The following ZNF839 variants were observed in gnomAD, a reference collection of about 807,000 sequenced individuals.
ZNF839 encodes zinc finger protein 839.
In ZNF839, 38 loss-of-function variants were observed where a neutral mutation model predicts 56.4. That is an observed-to-expected ratio of 0.67 (90% CI 0.52 to 0.88). ZNF839 has a LOEUF of 0.88. ZNF839 is among the 40% of genes least tolerant of loss of function. The pLI is 0.00. For missense variants in ZNF839, 1,091 were observed against 1,177.6 expected (o/e 0.93, Z 1.08); for synonymous variants, 486 against 493.5 (o/e 0.98, Z 0.20).
chr14:102,330,069 A>G (rs1010760571), intron 2 of ZNF839, among the ~76,000 whole-genome samples: 1 of 151,968 alleles, frequency 6.6e-6, no homozygotes, highest in African/African-American at 2.4e-5. Context: ...TGCTAGGATT[A>G]CAGGCGTGAG....
chr14:102,319,436 G>A (rs1331853177), upstream of ZNF839: 2 of 213,688 alleles, frequency 9.4e-6, no homozygotes, highest in Non-Finnish European at 1.8e-5. This position sits in a 1 kb window ranked among gnomAD's most constrained non-coding sequence, Gnocchi z 4.5. Context: ...CAGAACACTT[G>A]GATATTGTGG....
intron 1 of ZNF839, among the ~76,000 whole-genome samples, chr14:102,321,745 G>T (rs1335189094): frequency 6.6e-6 from 1 of 152,208 alleles, no homozygotes; most frequent in African/African-American, 2.4e-5. Context: ...AAGGGAGATT[G>T]TTCCTGGCTG....
At chr14:102,331,499 C>T in intron 2 of ZNF839, 123 bp from the exon 3 acceptor site, 2 of 798,622 alleles carry the variant, frequency 2.5e-6, no homozygotes, top group South Asian at 1.8e-5. Context: ...ATCCACCCGC[C>T]TTGGGCTCCC....
In ZNF839 at chr14:102,342,220, G is replaced by C. The variant is rs750362444; in HGVS notation, c.*41G>C. On this transcript the variant is annotated 3_prime_UTR_variant, in exon 8 of 8. Transcript: ENST00000442396. ...AAGCTGTGGAGTCGGTCGTCACCGT[G>C]GAGCCAGAGCCCTCACAGTGAAGTG... 2.8e-6 allele frequency: 2 copies of C among 702,212 alleles called. No individual in the cohort carries two copies. Among genetic ancestry groups the C allele is most frequent in the South Asian group, 2.1e-5 (1 of 47,726 alleles). The allele number at this position is 702,212 out of a possible 1,614,324, so 43.5% of individuals were successfully genotyped here. A position where few individuals can be genotyped will look rare whatever the true frequency, so the allele number is the denominator to read the frequency against.
Position 102,326,220 on chromosome 14 carries a change from A to G in ZNF839, c.524A>G (p.Gln175Arg), listed in dbSNP as rs1164759236. ...FLSDLCQPPA[Q>R]GFVQRPLPAL... Reference sequence around the variant, plus strand: ...AGTGACTTATGCCAACCTCCTGCTCAGGGGTTTGTACAGAGACCACTGCCA... The same window carrying G: ...AGTGACTTATGCCAACCTCCTGCTCGGGGGTTTGTACAGAGACCACTGCCA... Residue 175 changes from glutamine to arginine, a missense_variant, in exon 2 of 8, where the codon CAG becomes CGG. Physicochemically the swap from Gln to Arg is conservative, Grantham distance 43. This residue lies in a region of ZNF839 where 614 missense variants were observed against 629.2 expected (regional missense o/e 0.98). Coordinates refer to ENST00000442396, the MANE Select transcript of ZNF839 (RefSeq NM_018335.6). This position sits in a 1 kb window ranked among gnomAD's most constrained non-coding sequence, Gnocchi z 4.3. 4 of 1,613,726 alleles carry G rather than the reference A, an allele frequency of 2.5e-6. No homozygotes were observed. Among genetic ancestry groups the G allele is most frequent in the Non-Finnish European group, 3.4e-6 (4 of 1,179,684 alleles).
At chr14:102,338,343 G>A (rs1198811712) in intron 5 of ZNF839, among the ~76,000 whole-genome samples, 1 of 152,042 alleles carries the variant, frequency 6.6e-6, no homozygotes, top group East Asian at 1.9e-4. Context: ...TTCAAGACCA[G>A]CCTGGCAAAC....
intron 3 of ZNF839, 62 bp downstream of exon 3, chr14:102,331,908 TA>T: frequency 7.3e-7 from 1 of 1,372,396 alleles, no homozygotes; most frequent in Non-Finnish European, 9.8e-7. Context: ...TGGCAATCAC[TA>T]TCAGTTTCTG....
intron 1 of ZNF839, 82 bp downstream of exon 1, chr14:102,320,135 A>G (rs1597703818): frequency 2.8e-6 from 3 of 1,068,914 alleles, no homozygotes; most frequent in Non-Finnish European, 2.3e-6. Flanking sequence ...TTGTCCGGGG[A>G]GGCCAGTATC....
intron 1 of ZNF839, among the ~76,000 whole-genome samples, chr14:102,325,576 C>T (rs2073367261): frequency 6.6e-6 from 1 of 151,976 alleles, no homozygotes; most frequent in African/African-American, 2.4e-5. Context: ...CAGCTTACTG[C>T]AACCTCCTCC....
chr14:102,319,637 G>T (rs1225725074), upstream of ZNF839: 26 of 1,196,028 alleles, frequency 2.2e-5, no homozygotes, highest in Non-Finnish European at 2.6e-5. This position sits in a 1 kb window ranked among gnomAD's most constrained non-coding sequence, Gnocchi z 4.5. Flanking sequence ...CGACTTTCCC[G>T]GCCAGACACG....
chr14:102,330,942 C>A (rs2139528516), intron 2 of ZNF839, among the ~76,000 whole-genome samples: 1 of 152,272 alleles, frequency 6.6e-6, no homozygotes, highest in South Asian at 2.1e-4. Flanking sequence ...CATGCAGATG[C>A]ATGGAGACAG....
rs2073022307 is a variant in ZNF839 at position 102,319,833 on chromosome 14, C to T, written c.68C>T (p.Pro23Leu). Reference sequence around the variant, plus strand: ...GGCGGCGGCGGCGGCGGCCCGGCTCCTCCGGGCCAGAGCGGCAGCGTCGCA... The same window carrying T: ...GGCGGCGGCGGCGGCGGCCCGGCTCTTCCGGGCCAGAGCGGCAGCGTCGCA... ...EDGGGGGGPA[P>L]PGQSGSVARV... Residue 23 changes from proline (P) to leucine (L), a missense_variant, in exon 1 of 8, where the codon CCT becomes CTT. By Grantham distance (98) the Pro-to-Leu change is moderately conservative. Coordinates refer to ENST00000442396, the MANE Select transcript of ZNF839 (RefSeq NM_018335.6). This position sits in a 1 kb window ranked among gnomAD's most constrained non-coding sequence, Gnocchi z 4.5. 1.6e-6 allele frequency: 2 copies of T among 1,242,894 alleles called. No individual in the cohort carries two copies. Among genetic ancestry groups the T allele is most frequent in the Admixed American group, 4.2e-5 (1 of 23,854 alleles). The allele number at this position is 1,242,894 out of a possible 1,614,324, so 77.0% of individuals were successfully genotyped here.
At chr14:102,338,757 G>C in intron 5 of ZNF839, 59 bp from the exon 6 acceptor site, 2 of 1,601,762 alleles carry the variant, frequency 1.2e-6, no homozygotes, top group Non-Finnish European at 1.7e-6. Context: ...ATGTGAATGT[G>C]CTTCTGGGGG....
At chr14:102,328,146 C>T (rs1303896826) in intron 2 of ZNF839, among the ~76,000 whole-genome samples, 1 of 151,206 alleles carries the variant, frequency 6.6e-6, no homozygotes, top group African/African-American at 2.4e-5. Flanking sequence ...CCTCAGGTGA[C>T]GAGTTCGAGA....
chr14:102,325,950 GCTT>G, intron 1 of ZNF839, 32 bp from the exon 2 acceptor site: 2 of 1,594,140 alleles, frequency 1.3e-6, no homozygotes, highest in Middle Eastern at 1.7e-4. Context: ...TAAGCACAAT[GCTT>G]CTTTTCTCTT....
chr14:102,342,316 G>A lies in ZNF839; in HGVS notation c.*137G>A. 9.0e-7 allele frequency: 1 copy of A among 1,105,922 alleles called. No homozygotes were observed. Among genetic ancestry groups the A allele is most frequent in the South Asian group, 1.6e-5 (1 of 61,698 alleles). 68.5% of individuals were successfully genotyped at this position (1,105,922 alleles called of 1,614,324 possible). A position where few individuals can be genotyped will look rare whatever the true frequency, so the allele number is the denominator to read the frequency against. ...GGCAAGCAATGTATATTTTTCTAATGTGAATATTGCACAGATGAACCTTTT... is the reference window on the plus strand; with the variant it reads ...GGCAAGCAATGTATATTTTTCTAATATGAATATTGCACAGATGAACCTTTT... On this transcript the variant is annotated 3_prime_UTR_variant, in exon 8 of 8. Transcript: ENST00000442396.
intron 2 of ZNF839, among the ~76,000 whole-genome samples, chr14:102,327,791 T>C (rs938134792): frequency 6.6e-6 from 1 of 152,148 alleles, no homozygotes; most frequent in Non-Finnish European, 1.5e-5. Flanking sequence ...GTGTCTTCTG[T>C]GTGCTAGGAT....
upstream of ZNF839, among the ~76,000 whole-genome samples, chr14:102,317,897 C>G (rs138988326): frequency 2.0e-5 from 3 of 152,168 alleles, no homozygotes; most frequent in African/African-American, 7.2e-5. Context: ...CTAGGGTGGT[C>G]AGGTGTGCTC....
Position 102,341,575 on chromosome 14 carries a change from A to G in ZNF839, c.2180A>G (p.Asn727Ser). Residue 727 changes from asparagine to serine, a missense_variant, in exon 8 of 8, where the codon AAT becomes AGT. Around this residue, in one of 3 missense-constraint regions of ZNF839, gnomAD observed 431 missense variants for 468.0 expected, o/e 0.92. Transcript: ENST00000442396. ...CAGGTGGCAGCGTTTCCTGGAGAGA[A>G]TGCTTTGGAACACTCTTCAGACCAG... is the stretch of plus-strand genomic sequence containing the variant. ...QAQVAAFPGE[N>S]ALEHSSDQDT... 6.2e-7 allele frequency: 1 copy of G among 1,613,540 alleles called. No individual in the cohort carries two copies. The highest frequency in any genetic ancestry group is 8.5e-7 in the Non-Finnish European group (1 of 1,179,692).
Sources: allele counts gnomAD v4.1 joint callset (sites outside exome capture counted in the v4.1 genomes callset), GRCh38; gene constraint gnomAD v4.1.1; regional missense constraint gnomAD v4.1.1; non-coding constraint Gnocchi (gnomAD v3.1); transcripts MANE v1.5; gene names NCBI Gene and HGNC (gene_info 2026-07-23, HGNC 2026-07-21).